Variants in IQCJ observed in about 807,000 individuals in gnomAD.
IQCJ encodes the protein IQ motif containing J.
Under a neutral mutation model 11.0 loss-of-function variants are expected in IQCJ, and 9 were observed. That is an observed-to-expected ratio of 0.82 (90% CI 0.49 to 1.43). The LOEUF is 1.43. IQCJ is among the 40% of genes most tolerant of loss of function. IQCJ has a pLI of 0.00. For missense variants in IQCJ, 146 were observed against 133.2 expected, an observed-to-expected ratio of 1.10 and a Z score of -0.47; for synonymous variants, 55 against 51.3, an observed-to-expected ratio of 1.07 and a Z score of -0.31.
chr3:159,194,373 C>T lies in IQCJ; in HGVS notation c.10-51470C>T, dbSNP rs1424717513. 6.6e-5 allele frequency among the ~76,000 whole-genome samples: 10 copies of T among 152,320 alleles called. No individual in the cohort carries two copies. In the East Asian group the frequency reaches 1.7e-3, roughly 26 times the overall value. On this transcript the variant is annotated intron_variant, in intron 1 of 3. Transcript: ENST00000397832. ...ATAGCTCTCTGTATGTTAAGTGCCA[C>T]TGGTAGCCATTCTGACTTCGCCATT...
chr3:159,226,633 A>G (rs1352287971), intron 1 of IQCJ, among the ~76,000 whole-genome samples: 1 of 152,184 alleles, frequency 6.6e-6, no homozygotes, highest in Non-Finnish European at 1.5e-5. Flanking sequence ...ACTTTTAAAT[A>G]AAGAGTTTTA....
At position 159,162,538 on chromosome 3, in the gene IQCJ, A is replaced by G. The variant is rs1397758549; in HGVS notation, c.10-83305A>G. ...TATCCTTTATTTCCTTCTCCTGCCTAATTGCCCTGGGCAGCACTTCCAACA... is the reference window on the plus strand; with the variant it reads ...TATCCTTTATTTCCTTCTCCTGCCTGATTGCCCTGGGCAGCACTTCCAACA... On this transcript the variant is annotated intron_variant, in intron 1 of 3. Coordinates refer to ENST00000397832, the MANE Select transcript of IQCJ (RefSeq NM_001042706.3). Among the ~76,000 whole-genome samples, 3 of 152,114 alleles carry G rather than the reference A, an allele frequency of 2.0e-5. No homozygotes were observed. In the East Asian group the frequency reaches 5.8e-4, roughly 29 times the overall value.
intron 1 of IQCJ, among the ~76,000 whole-genome samples, chr3:159,194,362 G>T (rs1407553230): frequency 6.6e-6 from 1 of 152,204 alleles, no homozygotes. Flanking sequence ...CTCTCTGTAT[G>T]TTAAGTGCCA....
At chr3:159,205,102 A>C (rs1724574140) in intron 1 of IQCJ, among the ~76,000 whole-genome samples, 1 of 152,200 alleles carries the variant, frequency 6.6e-6, no homozygotes, top group Non-Finnish European at 1.5e-5. Context: ...CAAAGACAGA[A>C]GGAAGAATTC....
At chr3:159,247,635 G>C (rs1044515202) in intron 2 of IQCJ, among the ~76,000 whole-genome samples, 1 of 152,102 alleles carries the variant, frequency 6.6e-6, no homozygotes, top group South Asian at 2.1e-4. Flanking sequence ...CTGGAATGAG[G>C]GTCTTAGGAC....
intron 1 of IQCJ, among the ~76,000 whole-genome samples, chr3:159,144,639 C>T (rs763966529): frequency 5.0e-5 from 6 of 120,802 alleles, no homozygotes; most frequent in East Asian, 3.5e-4. Flanking sequence ...TCTATCTAGA[C>T]GTACACACAC....
chr3:159,105,323 C>T (rs967051203), intron 1 of IQCJ, among the ~76,000 whole-genome samples: 4 of 152,142 alleles, frequency 2.6e-5, no homozygotes, highest in African/African-American at 4.8e-5. Flanking sequence ...CAATTACCAC[C>T]CTCCTACCTG....
At position 159,089,495 on chromosome 3, in the gene IQCJ, G is replaced by T. The variant is rs551288080; in HGVS notation, c.9+20054G>T. ...TTGCTAGATTGGGGAAGTTCTCCTG[G>T]ATAATATCCTGCAGAGTGTTTTCCA... is the stretch of plus-strand genomic sequence containing the variant. On this transcript the variant is annotated intron_variant, in intron 1 of 3. Coordinates refer to ENST00000397832, the MANE Select transcript of IQCJ (RefSeq NM_001042706.3). 7.2e-4 allele frequency among the ~76,000 whole-genome samples: 109 copies of T among 151,952 alleles called. 5 individuals carry two copies. In the South Asian group the frequency reaches 0.022, roughly 31 times the overall value.
intron 1 of IQCJ, among the ~76,000 whole-genome samples, chr3:159,245,013 A>T (rs1727164544): frequency 6.6e-6 from 1 of 152,128 alleles, no homozygotes; most frequent in South Asian, 2.1e-4. Context: ...AAGACTGAAG[A>T]AGGGAGTCTC....
At chr3:159,244,622 T>TG (rs932633811) in intron 1 of IQCJ, among the ~76,000 whole-genome samples, 3 of 152,148 alleles carry the variant, frequency 2.0e-5, no homozygotes, top group Non-Finnish European at 4.4e-5. Flanking sequence ...TCAAAGAAGT[T>TG]GGGGAGATAC....
In IQCJ at chr3:159,095,349, ATTTATTTTAT is replaced by A. The variant is rs976274246; in HGVS notation, c.9+25922_9+25931del. On this transcript the variant is annotated intron_variant, in intron 1 of 3. Transcript: ENST00000397832. ...ATAGAGACGACAGATCAAGAGGAAA[ATTTATTTTAT>A]TTTATTTTATTTTTTTTATTATACT... 2.6e-5 allele frequency among the ~76,000 whole-genome samples: 4 copies of A among 151,430 alleles called. No homozygotes were observed. In the East Asian group the frequency reaches 7.8e-4, roughly 29 times the overall value.
chr3:159,116,668 A>G (rs1422137356), intron 1 of IQCJ, among the ~76,000 whole-genome samples: 2 of 16,970 alleles, frequency 1.2e-4, no homozygotes, highest in Admixed American at 6.7e-4. Context: ...ATATATATAT[A>G]TACACCCTTC....
At chr3:159,197,831 G>GTT (rs111720928) in intron 1 of IQCJ, among the ~76,000 whole-genome samples, 4 of 145,436 alleles carry the variant, frequency 2.8e-5, no homozygotes, top group African/African-American at 7.5e-5. Context: ...AGCTTTTCCT[G>GTT]TTTTTTTTTT....
At chr3:159,120,166 T>C (rs1719280378) in intron 1 of IQCJ, among the ~76,000 whole-genome samples, 1 of 152,196 alleles carries the variant, frequency 6.6e-6, no homozygotes, top group South Asian at 2.1e-4. Flanking sequence ...TCATCATGCA[T>C]ACCCCCAGCA....
At chr3:159,265,543 G>T (rs912750114), downstream of IQCJ, 3 of 636,678 alleles carry the variant, frequency 4.7e-6, no homozygotes, top group Non-Finnish European at 7.9e-6. Flanking sequence ...CAAGTCAAAT[G>T]TTGTCAGTGA....
rs924158996 is a variant in IQCJ, at chr3:159,116,895, T to A, written c.9+47454T>A. ...TAAGTTGAGATGTTCCTGAGAAGGA[T>A]CACTGTTTGCTACCAGCCCCTGAGA... On this transcript the variant is annotated intron_variant, in intron 1 of 3. Transcript: ENST00000397832. Among the ~76,000 whole-genome samples the A allele has an allele frequency of 5.0e-4, 76 of 151,882 alleles. 1 individual carries two copies. The highest frequency in any genetic ancestry group is 1.8e-3 in the African/African-American group (73 of 41,446).
chr3:159,209,444 C>G (rs1724828801), intron 1 of IQCJ, among the ~76,000 whole-genome samples: 1 of 152,062 alleles, frequency 6.6e-6, no homozygotes, highest in Admixed American at 6.5e-5. Context: ...CTGATTCTTC[C>G]TGGACAGACG....
Position 159,252,820 on chromosome 3 carries a change from A to G in IQCJ, c.155+13A>G. The G allele has an allele frequency of 1.2e-6, 2 of 1,606,882 alleles. No individual in the cohort carries two copies. The highest frequency in any genetic ancestry group is 1.7e-6 in the Non-Finnish European group (2 of 1,176,874). On this transcript the variant is annotated intron_variant, in intron 3 of 3. Transcript: ENST00000397832. ...CAAAGGTGAAAATGTAAGTTATTTC[A>G]AAGTATAAATTAAGCAATTAGTTCT...
chr3:159,219,570 G>A (rs542435112), intron 1 of IQCJ, among the ~76,000 whole-genome samples: 1 of 152,122 alleles, frequency 6.6e-6, no homozygotes, highest in Non-Finnish European at 1.5e-5. Context: ...GTATGAATTA[G>A]CAAGCTTCAA....
Sources: gnomAD v4.1 joint callset for allele counts (sites outside exome capture counted in the v4.1 genomes callset) on GRCh38, gnomAD v4.1.1 for gene constraint, MANE v1.5 for transcripts, NCBI Gene and HGNC (gene_info 2026-07-23, HGNC 2026-07-21) for gene names.